The following DTNA variants were observed in gnomAD, a reference collection of about 807,000 sequenced individuals.
DTNA encodes the protein dystrophin-related protein 3.
DTNA carries 43 observed loss-of-function variants against 100.7 expected under a neutral mutation model. The ratio of observed to expected loss-of-function variants is 0.43; its 90% confidence interval spans 0.33 to 0.55. The LOEUF (loss-of-function observed/expected upper bound fraction) is 0.55. Ranked by LOEUF, DTNA falls within the 20% of genes least tolerant of loss-of-function variation. The pLI is 0.04. For synonymous variants in DTNA, 349 were observed against 347.9 expected (o/e 1.00, Z -0.04); for missense variants, 798 against 953.9 (o/e 0.84, Z 2.15).
At chr18:34,630,420 C>G (rs1408438901) in intron 1 of DTNA, among the ~76,000 whole-genome samples, 1 of 152,148 alleles carries the variant, frequency 6.6e-6, no homozygotes, top group Non-Finnish European at 1.5e-5. Flanking sequence ...TCATTTTACT[C>G]TGTAATAATC....
chr18:34,858,447 CTT>C, intron 16 of DTNA, 49 bp downstream of exon 16: 2 of 1,588,792 alleles, frequency 1.3e-6, no homozygotes, highest in Non-Finnish European at 1.7e-6. Flanking sequence ...TGTGTCAGAT[CTT>C]TGAGAAAGTC....
rs189343387 is a variant in DTNA at position 34,830,711 on chromosome 18, G to C, written c.1175+1222G>C. 2.6e-3 allele frequency among the ~76,000 whole-genome samples: 394 copies of C among 152,330 alleles called. 2 individuals carry two copies. The highest frequency in any genetic ancestry group is 0.02 in the Middle Eastern group (6 of 294). ...TGTGTGTGTGCACGTGTGCACATGTGTACATTCAGTGTTGGTCAGAAGTTA... is the reference window on the plus strand; with the variant it reads ...TGTGTGTGTGCACGTGTGCACATGTCTACATTCAGTGTTGGTCAGAAGTTA... On this transcript the variant is annotated intron_variant, in intron 11 of 22. Coordinates refer to ENST00000444659, the MANE Select transcript of DTNA (RefSeq NM_001386795.1).
chr18:34,802,272 C>T (rs1050354710), intron 4 of DTNA, among the ~76,000 whole-genome samples: 1 of 152,216 alleles, frequency 6.6e-6, no homozygotes, highest in Non-Finnish European at 1.5e-5. Flanking sequence ...AGCATTCCAT[C>T]GGTGCAGTTT....
At chr18:34,723,922 G>GA (rs370399697) in intron 1 of DTNA, among the ~76,000 whole-genome samples, 22 of 150,030 alleles carry the variant, frequency 1.5e-4, no homozygotes, top group Admixed American at 3.3e-4. Context: ...AAGAAAGAAA[G>GA]AAAAAAAAAC....
At chr18:34,747,104 C>CTATCTATCTATCTATATA (rs1041438583) in intron 1 of DTNA, among the ~76,000 whole-genome samples, 3 of 148,228 alleles carry the variant, frequency 2.0e-5, no homozygotes, top group African/African-American at 7.5e-5. Flanking sequence ...ATATCTGTAT[C>CTATCTATCTATCTATATA]TATATATATA....
intron 1 of DTNA, among the ~76,000 whole-genome samples, chr18:34,607,564 A>G (rs2053387535): frequency 6.6e-6 from 1 of 152,210 alleles, no homozygotes; most frequent in Admixed American, 6.5e-5. Context: ...TAAAAAATGG[A>G]CTACATTTTA....
intron 1 of DTNA, among the ~76,000 whole-genome samples, chr18:34,545,442 A>G (rs574673433): frequency 1.6e-4 from 24 of 152,256 alleles, no homozygotes; most frequent in African/African-American, 4.8e-4. Flanking sequence ...TTTTTGTTAT[A>G]TATTTTCTAA....
intron 9 of DTNA, among the ~76,000 whole-genome samples, chr18:34,823,842 G>A (rs926413794): frequency 1.3e-4 from 20 of 152,176 alleles, no homozygotes; most frequent in African/African-American, 4.8e-4. Context: ...AGGTAAGAAG[G>A]GAGCAGTGAG....
chr18:34,673,740 T>C (rs550608345), intron 1 of DTNA, among the ~76,000 whole-genome samples: 41 of 152,326 alleles, frequency 2.7e-4, no homozygotes, highest in African/African-American at 9.6e-4. Context: ...GTATATATTT[T>C]TTTCCTGTTG....
chr18:34,858,206 G>A, intron 15 of DTNA, 79 bp from the exon 16 acceptor site: 1 of 1,288,148 alleles, frequency 7.8e-7, no homozygotes, highest in Non-Finnish European at 1.1e-6. Context: ...TCTTTGTTCT[G>A]GTGGCCTTGA....
chr18:34,537,956 T>C (rs1373638408), intron 1 of DTNA, among the ~76,000 whole-genome samples: 1 of 151,908 alleles, frequency 6.6e-6, no homozygotes, highest in Non-Finnish European at 1.5e-5. Context: ...TTCAAAATGA[T>C]AGATAGGGAA....
intron 20 of DTNA, among the ~76,000 whole-genome samples, chr18:34,881,864 G>A (rs2096876769): frequency 6.6e-6 from 1 of 152,026 alleles, no homozygotes; most frequent in Admixed American, 6.6e-5. Context: ...AAAAAATTGT[G>A]TATGAAAATA....
intron 1 of DTNA, among the ~76,000 whole-genome samples, chr18:34,620,638 G>A (rs185915201): frequency 2.6e-5 from 4 of 152,270 alleles, no homozygotes; most frequent in Admixed American, 2.0e-4. Flanking sequence ...GTTAGAAGGC[G>A]ATGAGGAAGC....
At chr18:34,635,603 T>G (rs529529093) in intron 1 of DTNA, among the ~76,000 whole-genome samples, 1 of 152,312 alleles carries the variant, frequency 6.6e-6, no homozygotes, top group South Asian at 2.1e-4. Context: ...TTAGGTATGA[T>G]TTTATAACAT....
At chr18:34,858,760 G>A (rs967343796) in intron 16 of DTNA, among the ~76,000 whole-genome samples, 2 of 152,100 alleles carry the variant, frequency 1.3e-5, no homozygotes, top group Non-Finnish European at 2.9e-5. Context: ...ACAGGCATGC[G>A]CCACCACACC....
At chr18:34,754,179 C>T (rs2092610581) in intron 1 of DTNA, among the ~76,000 whole-genome samples, 1 of 152,182 alleles carries the variant, frequency 6.6e-6, no homozygotes, top group Admixed American at 6.5e-5. Context: ...CCCATAAAAG[C>T]ATCTGGTCAG....
chr18:34,553,724 G>C (rs1276955010), intron 1 of DTNA, among the ~76,000 whole-genome samples: 1 of 151,664 alleles, frequency 6.6e-6, no homozygotes, highest in Non-Finnish European at 1.5e-5. Flanking sequence ...GCTCTGTTCT[G>C]TTCCATTGAT....
At chr18:34,637,520 C>T (rs1438150263) in intron 1 of DTNA, among the ~76,000 whole-genome samples, 1 of 152,164 alleles carries the variant, frequency 6.6e-6, no homozygotes, top group Non-Finnish European at 1.5e-5. Context: ...AAGCCTATTC[C>T]GTTTGGCTCT....
Position 34,771,367 on chromosome 18 carries a change from C to T in DTNA, c.148+5326C>T, listed in dbSNP as rs369641429. 4.5e-4 allele frequency among the ~76,000 whole-genome samples: 68 copies of T among 152,014 alleles called. No individual in the cohort carries two copies. In the South Asian group the frequency reaches 0.013, roughly 30 times the overall value. On this transcript the variant is annotated intron_variant, in intron 3 of 22. Transcript: ENST00000444659. ...ACAAATAATTAGCGGGGCGTGGTGG[C>T]GGGCGCCTGCAGTCCCAGCTACTTG...
Sources: allele counts gnomAD v4.1 joint callset (sites outside exome capture counted in the v4.1 genomes callset), GRCh38; gene constraint gnomAD v4.1.1; transcripts MANE v1.5; gene names NCBI Gene and HGNC (gene_info 2026-07-23, HGNC 2026-07-21).